Variants in ROBO2 observed in about 807,000 individuals in gnomAD.
The protein encoded by ROBO2 is roundabout guidance receptor 2.
ROBO2 carries 53 observed loss-of-function variants against 160.8 expected under a neutral mutation model. The ratio of observed to expected loss-of-function variants is 0.33; its 90% CI spans 0.26 to 0.41. The LOEUF (loss-of-function observed/expected upper bound fraction) is 0.41, where lower values mean the gene tolerates loss of function less well. ROBO2 is among the 10% of genes least tolerant of loss of function. ROBO2 has a pLI of 1.00. For missense variants in ROBO2, 1,577 were observed against 1,722.4 expected, an observed-to-expected ratio of 0.92 and a Z score of 1.49; for synonymous variants, 664 against 611.7, an observed-to-expected ratio of 1.09 and a Z score of -1.26.
At chr3:77,055,025 A>G (rs1451724641) in intron 1 of ROBO2, among the ~76,000 whole-genome samples, 5 of 151,354 alleles carry the variant, frequency 3.3e-5, no homozygotes, top group Non-Finnish European at 5.9e-5. Context: ...CTACATGTTA[A>G]TTGTGGAATT....
intron 2 of ROBO2, among the ~76,000 whole-genome samples, chr3:76,126,098 G>A (rs1357992802): frequency 6.6e-6 from 1 of 152,152 alleles, no homozygotes; most frequent in African/African-American, 2.4e-5. Context: ...ACAGGCGTGA[G>A]CCACTGCACC....
At chr3:76,532,921 T>A (rs1000285935) in intron 2 of ROBO2, among the ~76,000 whole-genome samples, 17 of 152,252 alleles carry the variant, frequency 1.1e-4, no homozygotes, top group Admixed American at 3.3e-4. Context: ...ACAACATATA[T>A]TTGATAAACT....
intron 2 of ROBO2, among the ~76,000 whole-genome samples, chr3:76,938,278 C>T (rs1253184022): frequency 6.6e-6 from 1 of 151,952 alleles, no homozygotes; most frequent in Non-Finnish European, 1.5e-5. Context: ...CGCTTGAACC[C>T]GGGAGGCGGA....
intron 2 of ROBO2, among the ~76,000 whole-genome samples, chr3:77,450,201 A>T: frequency 6.6e-6 from 1 of 152,276 alleles, no homozygotes; most frequent in East Asian, 1.9e-4. Flanking sequence ...TTGAGAATCC[A>T]GTTGTTAGAA....
At chr3:76,682,348 C>A (rs192933697) in intron 2 of ROBO2, among the ~76,000 whole-genome samples, 3 of 152,004 alleles carry the variant, frequency 2.0e-5, no homozygotes, top group African/African-American at 7.2e-5. Flanking sequence ...GAAGATAATT[C>A]GTGGAAAGTC....
chr3:76,694,161 G>A (rs901695479), intron 2 of ROBO2, among the ~76,000 whole-genome samples: 10 of 152,164 alleles, frequency 6.6e-5, no homozygotes, highest in African/African-American at 2.2e-4. Context: ...TACATCAGTC[G>A]TGCACTGCTG....
chr3:76,936,505 C>T (rs1325309159), intron 2 of ROBO2, among the ~76,000 whole-genome samples: 2 of 151,926 alleles, frequency 1.3e-5, no homozygotes, highest in Non-Finnish European at 2.9e-5. Flanking sequence ...AGCGTTGCTC[C>T]TCCAAGTCAG....
In ROBO2 at chr3:76,478,019, T is replaced by TTTATTATTATTATTA. The variant is rs147308707; in HGVS notation, c.109+540428_109+540442dup. Among the ~76,000 whole-genome samples the TTTATTATTATTATTA allele has an allele frequency of 5.7e-3, 849 of 148,964 alleles. 2 individuals carry two copies. Among genetic ancestry groups the TTTATTATTATTATTA allele is most frequent in the Middle Eastern group, 0.018 (5 of 284 alleles). Reference sequence around the variant, plus strand: ...CAATCAGATAAGTAGCCGCTACTTCTTTATTATTATTATTATTATTATTAT... The same window carrying TTTATTATTATTATTA: ...CAATCAGATAAGTAGCCGCTACTTCTTTATTATTATTATTATTATTATTATTATTATTATTATTAT... On this transcript the variant is annotated intron_variant, in intron 2 of 26. Transcript: ENST00000487694.
chr3:76,919,821 CCT>C (rs72126538), intron 2 of ROBO2, among the ~76,000 whole-genome samples: 4,150 of 152,150 alleles, frequency 0.027, 165 homozygotes, highest in African/African-American at 0.095. Flanking sequence ...CTGATAACTC[CCT>C]GATATGTTTT....
At chr3:77,221,755 G>C (rs1461059105) in intron 2 of ROBO2, among the ~76,000 whole-genome samples, 2 of 151,758 alleles carry the variant, frequency 1.3e-5, no homozygotes, top group Non-Finnish European at 2.9e-5. Context: ...GGATTTCTGT[G>C]AAGATACACA....
At chr3:76,668,153 G>T (rs1458235399) in intron 2 of ROBO2, among the ~76,000 whole-genome samples, 1 of 152,106 alleles carries the variant, frequency 6.6e-6, no homozygotes, top group African/African-American at 2.4e-5. Flanking sequence ...AGACTGGAGT[G>T]TAGCGGCCCC....
rs532582101 is a variant in ROBO2, at chr3:75,975,139, C to A, written c.109+37537C>A. On this transcript the variant is annotated intron_variant, in intron 2 of 26. Coordinates refer to the ROBO2 transcript ENST00000487694. Reference sequence around the variant, plus strand: ...AATTGGCTAGATATAAAATAGTTGGCAGATATCTAGACAATTATCACTAGC... The same window carrying A: ...AATTGGCTAGATATAAAATAGTTGGAAGATATCTAGACAATTATCACTAGC... Among the ~76,000 whole-genome samples the A allele has an allele frequency of 4.6e-5, 7 of 151,306 alleles. No individual in the cohort carries two copies. The South Asian group carries it at 1.2e-3, about 27-fold the overall frequency.
At chr3:77,381,478 C>T (rs1448357473) in intron 2 of ROBO2, among the ~76,000 whole-genome samples, 1 of 152,264 alleles carries the variant, frequency 6.6e-6, no homozygotes, top group Non-Finnish European at 1.5e-5. Context: ...CAATGCAAGA[C>T]GGTTTTTAAC....
intron 2 of ROBO2, among the ~76,000 whole-genome samples, chr3:76,734,145 G>A (rs1376617713): frequency 6.6e-6 from 1 of 151,802 alleles, no homozygotes; most frequent in Non-Finnish European, 1.5e-5. Context: ...ATGGGGGCGG[G>A]GGACAAAAAC....
At chr3:76,244,700 A>ATTTTG (rs1400466457) in intron 2 of ROBO2, among the ~76,000 whole-genome samples, 1 of 152,184 alleles carries the variant, frequency 6.6e-6, no homozygotes, top group Non-Finnish European at 1.5e-5. Flanking sequence ...GGAAATCTAG[A>ATTTTG]CCTCGCACTG....
At chr3:76,822,839 T>A (rs1479496388) in intron 2 of ROBO2, among the ~76,000 whole-genome samples, 1 of 152,066 alleles carries the variant, frequency 6.6e-6, no homozygotes, top group Non-Finnish European at 1.5e-5. Context: ...TATTCTTCTT[T>A]ACTTCTTTTA....
At chr3:76,788,681 T>TATC (rs1232222718) in intron 2 of ROBO2, among the ~76,000 whole-genome samples, 2 of 151,630 alleles carry the variant, frequency 1.3e-5, no homozygotes, top group African/African-American at 4.8e-5. Flanking sequence ...TGATATGGAA[T>TATC]ATCTATACAG....
chr3:76,043,681 C>CA (rs1450888388), intron 2 of ROBO2, among the ~76,000 whole-genome samples: 5 of 69,414 alleles, frequency 7.2e-5, no homozygotes, highest in Admixed American at 3.7e-4. Context: ...CAAACCAAAA[C>CA]AAAAAAACAC....
At position 77,245,797 on chromosome 3, in the gene ROBO2, A is replaced by G. The variant is rs180869168; in HGVS notation, c.388+147457A>G. 1.8e-4 allele frequency among the ~76,000 whole-genome samples: 28 copies of G among 152,330 alleles called. No individual in the cohort carries two copies. The East Asian group carries it at 4.6e-3, about 25-fold the overall frequency. ...GTTAGGATTACAATGGAACCATCAT[A>G]TTTTTAGGAAGTTTAAGTGAGACTT... On this transcript the variant is annotated intron_variant, in intron 2 of 25. Coordinates refer to ENST00000461745, the Ensembl canonical transcript of ROBO2.
Sources: allele counts gnomAD v4.1 joint callset (sites outside exome capture counted in the v4.1 genomes callset), GRCh38; gene constraint gnomAD v4.1.1; transcripts MANE v1.5; gene names NCBI Gene and HGNC (gene_info 2026-07-23, HGNC 2026-07-21).